The following DMD variants were observed in gnomAD, a reference collection of about 807,000 sequenced individuals.
DMD encodes the protein mutant dystrophin.
A neutral mutation model predicts 330.1 loss-of-function variants in DMD; 63 were observed. The observed-to-expected ratio is 0.19, with a 90% CI of 0.16 to 0.24. The LOEUF (loss-of-function observed/expected upper bound fraction) is 0.24. DMD is among the 10% of genes least tolerant of loss of function. DMD has a pLI of 1.00. For synonymous variants in DMD, 1,223 were observed against 959.8 expected (o/e 1.27, Z -5.07); for missense variants, 3,344 against 2,684.1 (o/e 1.25, Z -5.43).
intron 44 of DMD, among the ~76,000 whole-genome samples, chrX:32,015,118 C>G (rs903622994): frequency 8.7e-4 from 97 of 111,741 alleles, no homozygotes; most frequent in African/African-American, 3.0e-3. Flanking sequence ...GGTCCTGCCT[C>G]CATAGATTCT....
At chrX:32,047,052 C>T (rs1242963536) in intron 44 of DMD, among the ~76,000 whole-genome samples, 1 of 111,493 alleles carries the variant, frequency 9.0e-6, no homozygotes, top group Non-Finnish European at 1.9e-5. Flanking sequence ...CACAAAATTT[C>T]AAGCAGGAAC....
chrX:32,738,566 A>C (rs762398217), intron 7 of DMD, among the ~76,000 whole-genome samples: 4 of 111,715 alleles, frequency 3.6e-5, no homozygotes, highest in African/African-American at 1.3e-4. Flanking sequence ...CTATTTTCAC[A>C]AACTGATCAG....
rs2093580759 is a variant in DMD, at chrX:33,009,609, CACATATGTGTGTAT to C, written c.93+10516_93+10529del. The stretch of plus-strand genomic sequence containing the variant: ...GTGTGTATGTGTGTATGTGTATATA[CACATATGTGTGTAT>C]GTGTGTATGTGTATATACACATATG... On this transcript the variant is annotated intron_variant, in intron 2 of 78. Coordinates refer to ENST00000357033, the MANE Select transcript of DMD (RefSeq NM_004006.3). 3.5e-5 allele frequency among the ~76,000 whole-genome samples: 2 copies of C among 57,044 alleles called. 1 individual carries two copies. Among genetic ancestry groups the C allele is most frequent in the African/African-American group, 1.3e-4 (2 of 15,762 alleles). 49.5% of individuals were successfully genotyped at this position (57,044 alleles called of 115,157 possible).
At chrX:31,600,738 C>T (rs1043412618) in intron 55 of DMD, among the ~76,000 whole-genome samples, 10 of 108,226 alleles carry the variant, frequency 9.2e-5, no homozygotes, top group Admixed American at 7.0e-4. Context: ...AGTATCATTT[C>T]GAGGCAAATT....
intron 59 of DMD, among the ~76,000 whole-genome samples, chrX:31,447,487 T>A (rs1394293918): frequency 1.8e-5 from 2 of 110,448 alleles, no homozygotes; most frequent in Non-Finnish European, 3.8e-5. Context: ...GTCAGTTGTG[T>A]GTATGTTCTC....
chrX:33,085,533 AT>A (rs1372448403), intron 1 of DMD, among the ~76,000 whole-genome samples: 1 of 111,989 alleles, frequency 8.9e-6, no homozygotes, highest in East Asian at 2.8e-4. Flanking sequence ...GACAAAATGC[AT>A]TTTATTTCAA....
At position 32,487,187 on chromosome X, in the gene DMD, G is replaced by A. The variant is rs867730279; in HGVS notation, c.2623-2088C>T. ...CAAACAACCCCATCAAAAAGTGGGCGAAGGGCATGCTATTCTCTACATAAA... is the reference window on the plus strand; with the variant it reads ...CAAACAACCCCATCAAAAAGTGGGCAAAGGGCATGCTATTCTCTACATAAA... On this transcript the variant is annotated intron_variant, in intron 20 of 78. Coordinates refer to ENST00000357033, the MANE Select transcript of DMD (RefSeq NM_004006.3). 3.6e-4 allele frequency among the ~76,000 whole-genome samples: 40 copies of A among 111,612 alleles called. No individual in the cohort carries two copies. In the South Asian group the frequency reaches 7.8e-3, roughly 22 times the overall value.
chrX:32,411,460 A>G (rs1246071880), intron 30 of DMD, among the ~76,000 whole-genome samples: 2 of 111,204 alleles, frequency 1.8e-5, no homozygotes, highest in African/African-American at 6.6e-5. Context: ...TTACTATCCT[A>G]TGGTTTTACT....
intron 16 of DMD, 23 bp downstream of exon 16, chrX:32,565,679 G>C (rs758681609): frequency 6.9e-5 from 82 of 1,196,353 alleles, no homozygotes; most frequent in Non-Finnish European, 1.5e-5. Context: ...ATAGTCTGTA[G>C]CATGATAATT....
At chrX:32,697,086 C>T (rs947371400) in intron 9 of DMD, among the ~76,000 whole-genome samples, 4 of 111,752 alleles carry the variant, frequency 3.6e-5, no homozygotes, top group South Asian at 3.7e-4. Context: ...TCCTCTAGCA[C>T]GTTTCGAATT....
chrX:31,297,645 T>C (rs889813363), intron 62 of DMD, among the ~76,000 whole-genome samples: 1 of 111,966 alleles, frequency 8.9e-6, no homozygotes, highest in African/African-American at 3.2e-5. Flanking sequence ...CCCTTATGAG[T>C]TTGAGTTATC....
chrX:31,862,061 C>G (rs1387163094), intron 48 of DMD, among the ~76,000 whole-genome samples: 1 of 109,674 alleles, frequency 9.1e-6, no homozygotes. Flanking sequence ...TGAAAGACAA[C>G]AATGCAACAG....
intron 60 of DMD, among the ~76,000 whole-genome samples, chrX:31,362,085 G>T (rs2058969129): frequency 8.9e-6 from 1 of 112,058 alleles, no homozygotes; most frequent in African/African-American, 3.2e-5. Flanking sequence ...TTTCCTTACT[G>T]TATTGAAATT....
chrX:33,293,282 A>G (rs1356950544), intron 1 of DMD, among the ~76,000 whole-genome samples: 1 of 111,620 alleles, frequency 9.0e-6, no homozygotes, highest in Admixed American at 9.6e-5. Context: ...TACAAGTGAC[A>G]GAAAATCCAA....
chrX:32,377,140 A>G (rs1224773197), intron 34 of DMD, among the ~76,000 whole-genome samples: 1 of 111,590 alleles, frequency 9.0e-6, no homozygotes, highest in Non-Finnish European at 1.9e-5. Context: ...GTTTTCTCAT[A>G]TCACAGGAAA....
At chrX:31,386,232 G>A (rs1359012320) in intron 60 of DMD, among the ~76,000 whole-genome samples, 2 of 111,511 alleles carry the variant, frequency 1.8e-5, no homozygotes, top group Non-Finnish European at 3.8e-5. Flanking sequence ...GTTTTGGGGT[G>A]AGGGGAGGGA....
intron 1 of DMD, chrX:33,041,301 C>A: frequency 1.0e-6 from 1 of 968,379 alleles, no homozygotes; most frequent in Non-Finnish European, 1.4e-6. Flanking sequence ...GCATGCGCGC[C>A]GGCGACCAAG....
intron 50 of DMD, among the ~76,000 whole-genome samples, chrX:31,814,374 G>A (rs1052703722): frequency 7.7e-5 from 8 of 103,961 alleles, no homozygotes; most frequent in East Asian, 3.1e-4. Context: ...TCCCAGCTAC[G>A]GGGGAGGCTG....
chrX:32,722,336 A>C (rs1417546845), intron 7 of DMD, among the ~76,000 whole-genome samples: 2 of 111,187 alleles, frequency 1.8e-5, no homozygotes, highest in African/African-American at 6.5e-5. Flanking sequence ...ATATATGGTA[A>C]CAACTATTTC....
Sources: allele counts gnomAD v4.1 joint callset (sites outside exome capture counted in the v4.1 genomes callset), GRCh38; gene constraint gnomAD v4.1.1; transcripts MANE v1.5; gene names NCBI Gene and HGNC (gene_info 2026-07-23, HGNC 2026-07-21).